Variants in RGS7 observed in about 807,000 individuals in gnomAD.
The protein encoded by RGS7 is regulator of G protein signaling 7.
Under a neutral mutation model 81.1 loss-of-function variants are expected in RGS7, and 27 were observed. The ratio of observed to expected loss-of-function variants is 0.33; its 90% CI spans 0.25 to 0.46. RGS7 has a LOEUF of 0.46. RGS7 is among the 20% of genes least tolerant of loss of function. The pLI is 1.00. For missense variants in RGS7, 396 were observed against 607.4 expected, an observed-to-expected ratio of 0.65 and a Z score of 3.66; for synonymous variants, 208 against 207.7, an observed-to-expected ratio of 1.00 and a Z score of -0.01.
At chr1:240,879,659 C>T (rs1666055074) in intron 6 of RGS7, among the ~76,000 whole-genome samples, 1 of 152,164 alleles carries the variant, frequency 6.6e-6, no homozygotes, top group Admixed American at 6.5e-5. Flanking sequence ...TGGCCATGCT[C>T]ATATCTTTGT....
At chr1:241,223,627 T>G (rs1558207434) in intron 2 of RGS7, among the ~76,000 whole-genome samples, 1 of 151,826 alleles carries the variant, frequency 6.6e-6, no homozygotes, top group Non-Finnish European at 1.5e-5. Context: ...ATTCAAATAT[T>G]GTAAAGTTTG....
chr1:241,017,697 T>C (rs10926392), intron 3 of RGS7, among the ~76,000 whole-genome samples: 4,150 of 152,216 alleles, frequency 0.027, 117 homozygotes, highest in African/African-American at 0.078. Context: ...TGTTCTTCTA[T>C]AGTTTAAGTG....
chr1:241,181,029 A>T (rs1023228806), intron 2 of RGS7, among the ~76,000 whole-genome samples: 13 of 152,212 alleles, frequency 8.5e-5, no homozygotes, highest in African/African-American at 3.1e-4. Flanking sequence ...CAATAAAATG[A>T]TTAGTGGTTG....
intron 9 of RGS7, among the ~76,000 whole-genome samples, chr1:240,850,746 T>C (rs1390933114): frequency 6.6e-6 from 1 of 152,190 alleles, no homozygotes; most frequent in Non-Finnish European, 1.5e-5. Flanking sequence ...AGTGCTACTC[T>C]AGTGAACACA....
At chr1:240,882,951 C>G (rs1044788211) in intron 6 of RGS7, among the ~76,000 whole-genome samples, 1 of 152,128 alleles carries the variant, frequency 6.6e-6, no homozygotes, top group Admixed American at 6.5e-5. Context: ...TCCATGTGCT[C>G]TCATTGTTCA....
intron 2 of RGS7, among the ~76,000 whole-genome samples, chr1:241,269,245 G>A (rs552595110): frequency 1.9e-4 from 29 of 152,220 alleles, no homozygotes; most frequent in Non-Finnish European, 3.2e-4. Flanking sequence ...GGCTGAACAC[G>A]ATAGGAGGGC....
At chr1:241,267,642 T>G (rs983617615) in intron 2 of RGS7, among the ~76,000 whole-genome samples, 5 of 152,198 alleles carry the variant, frequency 3.3e-5, no homozygotes, top group Admixed American at 3.3e-4. Context: ...CCCCCCATTT[T>G]CACATCTTTT....
intron 2 of RGS7, among the ~76,000 whole-genome samples, chr1:241,203,370 C>T (rs1189782573): frequency 2.6e-5 from 4 of 152,014 alleles, no homozygotes; most frequent in African/African-American, 9.7e-5. Flanking sequence ...GTAGCTGGGA[C>T]TACAGGTGCC....
At chr1:241,178,261 C>T (rs1250676631) in intron 2 of RGS7, among the ~76,000 whole-genome samples, 1 of 151,902 alleles carries the variant, frequency 6.6e-6, no homozygotes, top group Non-Finnish European at 1.5e-5. Flanking sequence ...CACTGCACTC[C>T]AGCCTGGGCA....
At chr1:241,181,953 C>G (rs537436115) in intron 2 of RGS7, among the ~76,000 whole-genome samples, 21 of 152,254 alleles carry the variant, frequency 1.4e-4, no homozygotes, top group South Asian at 1.2e-3. Context: ...CTCCTGCCCC[C>G]CAAAGTGCTG....
At chr1:240,891,923 G>A (rs1407148598) in intron 6 of RGS7, among the ~76,000 whole-genome samples, 1 of 152,176 alleles carries the variant, frequency 6.6e-6, no homozygotes, top group Non-Finnish European at 1.5e-5. Flanking sequence ...GTTGGCGAAA[G>A]TTTTCAGAGC....
At chr1:241,089,650 A>T (rs1657253019) in intron 3 of RGS7, among the ~76,000 whole-genome samples, 1 of 152,082 alleles carries the variant, frequency 6.6e-6, no homozygotes, top group Non-Finnish European at 1.5e-5. Flanking sequence ...CCCTAATACT[A>T]ATACCTTCAG....
chr1:241,344,019 T>G (rs1329799589), intron 2 of RGS7, among the ~76,000 whole-genome samples: 1 of 152,214 alleles, frequency 6.6e-6, no homozygotes, highest in African/African-American at 2.4e-5. Flanking sequence ...TATATACCTT[T>G]ATCTTCTTTA....
intron 3 of RGS7, among the ~76,000 whole-genome samples, chr1:241,016,564 CAAACA>C (rs758926232): frequency 4.4e-4 from 55 of 124,716 alleles, no homozygotes; most frequent in African/African-American, 2.2e-3. Context: ...ACCAACCAAA[CAAACA>C]AAAAAAAAAC....
intron 6 of RGS7, among the ~76,000 whole-genome samples, chr1:240,929,446 C>T (rs898748316): frequency 1.3e-5 from 2 of 151,854 alleles, no homozygotes; most frequent in Non-Finnish European, 2.9e-5. Flanking sequence ...AATTTTGTCT[C>T]CGTATTAATT....
rs140105838 is a variant in RGS7, at chr1:241,031,009, T to C, written c.176-47880A>G. Among the ~76,000 whole-genome samples, 193 of 152,316 alleles carry C rather than the reference T, an allele frequency of 1.3e-3. 3 individuals carry two copies. Among genetic ancestry groups the C allele is most frequent in the South Asian group, 6.2e-3 (30 of 4,822 alleles). Reference sequence around the variant, plus strand: ...TAAATTTAGGGAGTACAAGTGCAGTTTTGTTACATGGATATATTGCATAGT... The same window carrying C: ...TAAATTTAGGGAGTACAAGTGCAGTCTTGTTACATGGATATATTGCATAGT... On this transcript the variant is annotated intron_variant, in intron 3 of 18. Coordinates refer to ENST00000440928, the MANE Select transcript of RGS7 (RefSeq NM_001364886.1).
intron 2 of RGS7, among the ~76,000 whole-genome samples, chr1:241,100,116 C>T (rs1346833513): frequency 6.6e-6 from 1 of 152,060 alleles, no homozygotes; most frequent in African/African-American, 2.4e-5. Flanking sequence ...TGGCTCACAC[C>T]TGTAATCCCA....
chr1:241,158,133 T>G (rs1351955281), intron 2 of RGS7, among the ~76,000 whole-genome samples: 1 of 152,096 alleles, frequency 6.6e-6, no homozygotes, highest in Non-Finnish European at 1.5e-5. Context: ...AAATAAACTT[T>G]TATTAGGACA....
At chr1:240,998,755 G>C in intron 3 of RGS7, 1 of 775,660 alleles carries the variant, frequency 1.3e-6, no homozygotes, top group Non-Finnish European at 2.3e-6. Flanking sequence ...TGCGGAATGA[G>C]GGCCAGGTAG....
Sources: allele counts gnomAD v4.1 joint callset (sites outside exome capture counted in the v4.1 genomes callset), GRCh38; gene constraint gnomAD v4.1.1; transcripts MANE v1.5; gene names NCBI Gene and HGNC (gene_info 2026-07-23, HGNC 2026-07-21).